The following RIPOR2 variants were observed in gnomAD, a reference collection of about 807,000 sequenced individuals.
RIPOR2 encodes the protein rho family-interacting cell polarization regulator 2.
A neutral mutation model predicts 114.5 loss-of-function variants in RIPOR2; 39 were observed. The ratio of observed to expected loss-of-function variants is 0.34; its 90% CI spans 0.26 to 0.44. RIPOR2 has a LOEUF of 0.44. Among genes scored for constraint, RIPOR2 ranks in the 20% least tolerant of loss-of-function variants. RIPOR2 has a pLI of 1.00. For synonymous variants in RIPOR2, 445 were observed against 484.4 expected (o/e 0.92, Z 1.07); for missense variants, 1,007 against 1,255.1 (o/e 0.80, Z 2.99).
chr6:25,029,431 A>AAG (rs1253583114), intron 1 of RIPOR2, among the ~76,000 whole-genome samples: 6 of 151,174 alleles, frequency 4.0e-5, no homozygotes, highest in Admixed American at 6.6e-5. Context: ...AAAAAAAAAA[A>AAG]AAGAAGAAGA....
intron 1 of RIPOR2, chr6:24,877,164 T>C (rs902189346): frequency 2.0e-6 from 2 of 985,398 alleles, no homozygotes; most frequent in Non-Finnish European, 2.4e-6. Context: ...CCAGATGTAA[T>C]GGAAAGACCA....
intron 1 of RIPOR2, among the ~76,000 whole-genome samples, chr6:24,893,616 C>T (rs1767574868): frequency 6.6e-6 from 1 of 152,220 alleles, no homozygotes; most frequent in African/African-American, 2.4e-5. Context: ...AATCTGACCA[C>T]ACTGGTGCTC....
intron 1 of RIPOR2, among the ~76,000 whole-genome samples, chr6:24,983,581 ACT>A (rs889629942): frequency 1.4e-4 from 21 of 151,800 alleles, no homozygotes; most frequent in African/African-American, 4.8e-4. Context: ...ACAAGGTGAA[ACT>A]CTGTCTCTAC....
At chr6:24,835,485 T>G (rs1761037812) in intron 15 of RIPOR2, among the ~76,000 whole-genome samples, 1 of 152,114 alleles carries the variant, frequency 6.6e-6, no homozygotes, top group African/African-American at 2.4e-5. Flanking sequence ...TGCCACCTAC[T>G]ACTGTGAAGG....
chr6:24,849,754 C>CTAT (rs1562259556), intron 11 of RIPOR2, 48 bp downstream of exon 11: 3 of 1,543,648 alleles, frequency 1.9e-6, no homozygotes, highest in Non-Finnish European at 2.7e-6. Flanking sequence ...GTAGCACTAG[C>CTAT]CGGTATCAGA....
Position 24,832,346 on chromosome 6 carries a change from AG to A in RIPOR2, c.2253del (p.Leu752Ter). 6.4e-7 allele frequency: 1 copy of A among 1,552,064 alleles called. No individual in the cohort carries two copies. Among genetic ancestry groups the A allele is most frequent in the Non-Finnish European group, 8.7e-7 (1 of 1,147,004 alleles). On this transcript the variant is annotated frameshift_variant, in exon 16 of 22. Transcript: ENST00000643898. LOFTEE classifies it high-confidence loss of function. ...TGGATCTGCCTAGAAAGCTTCTCTA[AG>A]AGACTTCTTGCCACAAATGGGGTTT... Reference protein sequence around the residue: ...SSKTPFVARSLLEKLSRQIQV... With the variant: ...SSKTPFVARSXLEKLSRQIQV...
At chr6:24,993,529 T>A (rs1436716237) in intron 1 of RIPOR2, among the ~76,000 whole-genome samples, 1 of 152,274 alleles carries the variant, frequency 6.6e-6, no homozygotes, top group Non-Finnish European at 1.5e-5. Context: ...TCTTGCTTTT[T>A]TATCCAGCTT....
intron 6 of RIPOR2, among the ~76,000 whole-genome samples, chr6:24,867,515 T>C (rs1396787075): frequency 6.6e-6 from 1 of 152,240 alleles, no homozygotes; most frequent in African/African-American, 2.4e-5. Context: ...CCATGTGGTC[T>C]TCTGGGGAAC....
chr6:24,911,075 G>A (rs1401877459), intron 1 of RIPOR2: 2 of 721,442 alleles, frequency 2.8e-6, no homozygotes, highest in Non-Finnish European at 1.7e-6. Flanking sequence ...CGGGCGCGAG[G>A]GTGGCGGAGC....
chr6:24,842,686 G>A (rs920159256), intron 13 of RIPOR2, among the ~76,000 whole-genome samples, 176 bp downstream of exon 13: 1 of 152,022 alleles, frequency 6.6e-6, no homozygotes, highest in Non-Finnish European at 1.5e-5. Flanking sequence ...CTGTTGTTTG[G>A]AAAATAAAAC....
chr6:24,979,010 T>G (rs908577892), intron 1 of RIPOR2, among the ~76,000 whole-genome samples: 1 of 152,186 alleles, frequency 6.6e-6, no homozygotes, highest in African/African-American at 2.4e-5. Context: ...ACTCACATAT[T>G]TTTGGAGAAA....
intron 5 of RIPOR2, among the ~76,000 whole-genome samples, chr6:24,869,400 C>A (rs1424158942): frequency 1.3e-5 from 2 of 150,762 alleles, no homozygotes; most frequent in East Asian, 3.9e-4. Context: ...TCACTGCAAC[C>A]TTTGCCTCCT....
At chr6:24,938,303 C>A (rs1406114875), upstream of RIPOR2, among the ~76,000 whole-genome samples, 1 of 152,054 alleles carries the variant, frequency 6.6e-6, no homozygotes, top group Non-Finnish European at 1.5e-5. Flanking sequence ...GCCAGTAAAC[C>A]ACCATGAGCT....
At chr6:25,026,825 A>G (rs1338416564) in intron 1 of RIPOR2, among the ~76,000 whole-genome samples, 1 of 152,244 alleles carries the variant, frequency 6.6e-6, no homozygotes, top group Non-Finnish European at 1.5e-5. Flanking sequence ...GGCAGGAGCT[A>G]AGAGGCTGAG....
intron 1 of RIPOR2, among the ~76,000 whole-genome samples, chr6:24,982,818 G>C (rs1179349503): frequency 6.6e-6 from 1 of 152,202 alleles, no homozygotes; most frequent in Non-Finnish European, 1.5e-5. Flanking sequence ...GGCCCAGAGA[G>C]ACAGGAGTAT....
At chr6:25,019,793 A>G (rs1159571150) in intron 1 of RIPOR2, among the ~76,000 whole-genome samples, 64 of 149,900 alleles carry the variant, frequency 4.3e-4, no homozygotes, top group African/African-American at 1.4e-3. Context: ...AAAAAAAAAA[A>G]AAAAAGAAAA....
At chr6:24,947,613 G>A (rs1286741543) in intron 1 of RIPOR2, among the ~76,000 whole-genome samples, 1 of 152,072 alleles carries the variant, frequency 6.6e-6, no homozygotes, top group African/African-American at 2.4e-5. Context: ...AGAAGATGGT[G>A]CAATTCTCCT....
chr6:24,897,389 T>C (rs2113997588), intron 1 of RIPOR2, among the ~76,000 whole-genome samples: 1 of 152,210 alleles, frequency 6.6e-6, no homozygotes, highest in Admixed American at 6.5e-5. Flanking sequence ...GTATTCAGGG[T>C]GAAGAGAGAA....
intron 12 of RIPOR2, chr6:24,847,524 C>A (rs1288003006): frequency 6.5e-7 from 1 of 1,549,232 alleles, no homozygotes; most frequent in African/African-American, 1.4e-5. Flanking sequence ...ACTCCATACC[C>A]GGGCAGGCCA....
Sources: gnomAD v4.1 joint callset for allele counts (sites outside exome capture counted in the v4.1 genomes callset) on GRCh38, gnomAD v4.1.1 for gene constraint, MANE v1.5 for transcripts, NCBI Gene and HGNC (gene_info 2026-07-23, HGNC 2026-07-21) for gene names.